The following RADIL variants were observed in gnomAD, a reference collection of about 807,000 sequenced individuals.
RADIL encodes Rap associating with DIL domain.
In RADIL, 99 loss-of-function variants were observed where a neutral mutation model predicts 97.6. That is an observed-to-expected ratio of 1.01 (90% CI 0.86 to 1.20). The LOEUF is 1.20. Among genes scored for constraint, RADIL ranks in the 50% most tolerant of loss-of-function variants. RADIL has a pLI of 0.00. For missense variants in RADIL, 1,765 were observed against 1,498.9 expected (o/e 1.18, Z -2.93); for synonymous variants, 803 against 691.8 (o/e 1.16, Z -2.52).
intron 2 of RADIL, among the ~76,000 whole-genome samples, chr7:4,846,649 G>C (rs1418777045): frequency 6.6e-6 from 1 of 150,856 alleles, no homozygotes; most frequent in African/African-American, 2.4e-5. Context: ...AGGTTCAAGC[G>C]ATTCTCCTGC....
chr7:4,860,772 C>T lies in RADIL; in HGVS notation c.535+16833G>A, dbSNP rs768870698. The T allele has an allele frequency of 2.5e-6, 4 of 1,614,080 alleles. No homozygotes were observed. In the Admixed American group the frequency reaches 5.0e-5, roughly 20 times the overall value. On this transcript the variant is annotated intron_variant, in intron 2 of 14. Coordinates refer to ENST00000399583, the MANE Select transcript of RADIL (RefSeq NM_018059.5). ...CTTAGCAAAATCTCGTGTGTGATAGCAAGCCCCTGTTTAAACTCCTCAATC... is the reference window on the plus strand; with the variant it reads ...CTTAGCAAAATCTCGTGTGTGATAGTAAGCCCCTGTTTAAACTCCTCAATC...
rs945796740 is a variant in RADIL at position 4,854,335 on chromosome 7, G to C, written c.536-17730C>G. 6.6e-5 allele frequency among the ~76,000 whole-genome samples: 10 copies of C among 152,114 alleles called. No individual in the cohort carries two copies. The highest frequency in any genetic ancestry group is 2.4e-4 in the African/African-American group (10 of 41,412). On this transcript the variant is annotated intron_variant, in intron 2 of 14. Transcript: ENST00000399583. This position sits in a 1 kb window ranked among gnomAD's most constrained non-coding sequence, Gnocchi z 5.1. ...AAACTGATGAGGGGGCATTAGGTGG[G>C]GTTTTCTGTTTGCTTTTGTTTCTGG...
intron 2 of RADIL, among the ~76,000 whole-genome samples, chr7:4,856,347 C>G (rs553955768): frequency 6.6e-6 from 1 of 151,874 alleles, no homozygotes; most frequent in Admixed American, 6.6e-5. Flanking sequence ...TGGTCTCAAG[C>G]GATCCACCCG....
chr7:4,820,928 G>C (rs1782814596), intron 6 of RADIL, among the ~76,000 whole-genome samples: 1 of 152,202 alleles, frequency 6.6e-6, no homozygotes, highest in African/African-American at 2.4e-5. Context: ...CTAAGGCATG[G>C]GGGGGCACAG....
Position 4,834,489 on chromosome 7 carries a change from A to G in RADIL, c.1416+118T>C, listed in dbSNP as rs1027336533. ...AGGGAAAGGCCGCCCTGCGCTCAGCAGCACAGCACCGTGGGGGTCAGATAG... is the reference window on the plus strand; with the variant it reads ...AGGGAAAGGCCGCCCTGCGCTCAGCGGCACAGCACCGTGGGGGTCAGATAG... On this transcript the variant is annotated intron_variant, in intron 4 of 14. Coordinates refer to ENST00000399583, the MANE Select transcript of RADIL (RefSeq NM_018059.5). This position sits in a 1 kb window ranked among gnomAD's most constrained non-coding sequence, Gnocchi z 6.0. 5 of 1,158,588 alleles carry G rather than the reference A, an allele frequency of 4.3e-6. No individual in the cohort carries two copies. The highest frequency in any genetic ancestry group is 8.8e-5 in the South Asian group (2 of 22,856). 71.8% of individuals were successfully genotyped at this position (1,158,588 alleles called of 1,614,324 possible). A position where few individuals can be genotyped will look rare whatever the true frequency, so the allele number is the denominator to read the frequency against.
intron 2 of RADIL, among the ~76,000 whole-genome samples, chr7:4,844,442 T>TA (rs1316132771): frequency 3.3e-5 from 5 of 151,800 alleles, no homozygotes; most frequent in African/African-American, 7.2e-5. Context: ...AGACTCCATC[T>TA]AAAAAAAACA....
chr7:4,805,416 G>A (rs1249894117), intron 10 of RADIL, 150 bp downstream of exon 10: 2 of 958,322 alleles, frequency 2.1e-6, no homozygotes, highest in South Asian at 3.2e-5. Flanking sequence ...GGGCGGGGGG[G>A]TCCTCTGGGT....
rs761304191 is a variant in RADIL at position 4,860,567 on chromosome 7, G to A, written c.535+17038C>T. On this transcript the variant is annotated intron_variant, in intron 2 of 14. Transcript: ENST00000399583. ...TGGAAATGACTGTGGATTCACATGT[G>A]CCAGTGTAATAAATTCATTCTTCTC... 2.5e-6 allele frequency: 4 copies of A among 1,614,142 alleles called. No homozygotes were observed. In the South Asian group the frequency reaches 3.3e-5, roughly 13 times the overall value.
chr7:4,853,513 C>T (rs776186105), intron 2 of RADIL, among the ~76,000 whole-genome samples: 3 of 152,036 alleles, frequency 2.0e-5, no homozygotes, highest in Non-Finnish European at 4.4e-5. Context: ...GAGGCCAGGG[C>T]GGGCAGATGA....
At position 4,809,244 on chromosome 7, in the gene RADIL, C is replaced by T; in HGVS notation, c.2140-3528G>A. On this transcript the variant is annotated intron_variant, in intron 9 of 14. Coordinates refer to ENST00000399583, the MANE Select transcript of RADIL (RefSeq NM_018059.5). ...CCATCTCCCGCAGGGGCGCTCGGGCCTGGCCGCCAAGCTGGGCGAGAGGCC... is the reference window on the plus strand; with the variant it reads ...CCATCTCCCGCAGGGGCGCTCGGGCTTGGCCGCCAAGCTGGGCGAGAGGCC... 3 of 985,380 alleles carry T rather than the reference C, an allele frequency of 3.0e-6. No individual in the cohort carries two copies. In the African/African-American group the frequency reaches 5.2e-5, roughly 17 times the overall value. 61.0% of individuals were successfully genotyped at this position (985,380 alleles called of 1,614,324 possible).
rs368118356 is a variant in RADIL at position 4,877,691 on chromosome 7, C to T, written c.449G>A (p.Arg150Gln). The stretch of plus-strand genomic sequence containing the variant: ...CTCAAACCTCCGGGATAAACCTTCT[C>T]GGGGTTTCCATAATTCCTGGATCAA... ...PLLIQELWKP[R>Q]EGLSRRFELR... The change falls in exon 2 of 15, where the codon CGA becomes CAA. Residue 150 changes from arginine to glutamine, a missense_variant. Arg to Gln is a conservative substitution (Grantham distance 43, BLOSUM62 1). Coordinates refer to ENST00000399583, the MANE Select transcript of RADIL (RefSeq NM_018059.5). The T allele has an allele frequency of 6.2e-6, 10 of 1,614,174 alleles. No individual in the cohort carries two copies. In the African/African-American group the frequency reaches 6.7e-5, roughly 11 times the overall value.
At chr7:4,865,888 T>C (rs1784121011) in intron 2 of RADIL, 1 of 643,728 alleles carries the variant, frequency 1.6e-6, no homozygotes. Flanking sequence ...TACCGTTATG[T>C]TCTAATTACC....
rs776936065 is a variant in RADIL at position 4,822,365 on chromosome 7, G to T, written c.1615+29C>A. Reference sequence around the variant, plus strand: ...CACTCCCCTGCCTGGGGTGCTGGCGGGGGGAATGGAGGGCAGCGCCAGCCG... The same window carrying T: ...CACTCCCCTGCCTGGGGTGCTGGCGTGGGGAATGGAGGGCAGCGCCAGCCG... On this transcript the variant is annotated intron_variant, in intron 6 of 14. Transcript: ENST00000399583. The surrounding 1 kb of genome is among the most constrained non-coding windows in gnomAD (Gnocchi z 5.3). The T allele has an allele frequency of 6.3e-7, 1 of 1,594,072 alleles. No homozygotes were observed. The highest frequency in any genetic ancestry group is 1.1e-5 in the South Asian group (1 of 88,786).
rs1046273121 is a variant in RADIL, at chr7:4,819,322, T to C, written c.1616-1971A>G. Among the ~76,000 whole-genome samples, 5 of 151,918 alleles carry C rather than the reference T, an allele frequency of 3.3e-5. No homozygotes were observed. Among genetic ancestry groups the C allele is most frequent in the African/African-American group, 1.2e-4 (5 of 41,336 alleles). On this transcript the variant is annotated intron_variant, in intron 6 of 14. Transcript: ENST00000399583. This position sits in a 1 kb window ranked among gnomAD's most constrained non-coding sequence, Gnocchi z 5.8. ...CCTGACCTCATGTGATCTGCCTGCC[T>C]CGGCCTCCCAAAGTGCGGGGAGGAC...
chr7:4,871,511 TGGCAC>T (rs958457951), intron 2 of RADIL, among the ~76,000 whole-genome samples: 7 of 152,198 alleles, frequency 4.6e-5, no homozygotes, highest in African/African-American at 1.7e-4. Flanking sequence ...AACTCAGAGC[TGGCAC>T]TCAGCGACAA....
rs1383069562 is a variant in RADIL, at chr7:4,817,485, C to T, written c.1616-134G>A. ...CCATCTGGGGTCCAGATGCGATAAA[C>T]TGGCCGAGGGACTCTGGGCCCTGGC... On this transcript the variant is annotated intron_variant, in intron 6 of 14. Transcript: ENST00000399583. This position sits in a 1 kb window ranked among gnomAD's most constrained non-coding sequence, Gnocchi z 8.3. The T allele has an allele frequency of 1.4e-6, 1 of 700,294 alleles. No individual in the cohort carries two copies. 43.4% of individuals were successfully genotyped at this position (700,294 alleles called of 1,614,324 possible).
intron 12 of RADIL, 36 bp downstream of exon 12, chr7:4,801,617 G>A (rs749848372): frequency 1.3e-6 from 2 of 1,553,482 alleles, no homozygotes; most frequent in Non-Finnish European, 1.7e-6. Context: ...GCGGGGTCTG[G>A]GGTGGGTTCC....
At chr7:4,862,674 G>C (rs1784043859) in intron 2 of RADIL, among the ~76,000 whole-genome samples, 1 of 152,152 alleles carries the variant, frequency 6.6e-6, no homozygotes, top group Non-Finnish European at 1.5e-5. Flanking sequence ...GCCGAGGCGG[G>C]CAGATCACCT....
At position 4,854,375 on chromosome 7, in the gene RADIL, G is replaced by C. The variant is rs1031893833; in HGVS notation, c.536-17770C>G. Among the ~76,000 whole-genome samples, 4 of 152,158 alleles carry C rather than the reference G, an allele frequency of 2.6e-5. No homozygotes were observed. The highest frequency in any genetic ancestry group is 5.9e-5 in the Non-Finnish European group (4 of 68,028). ...TTTGTTTCTGGGGAGGGTGGTGTTT[G>C]GTTTTTGTCATTGTTGATAAAGAGG... On this transcript the variant is annotated intron_variant, in intron 2 of 14. Coordinates refer to ENST00000399583, the MANE Select transcript of RADIL (RefSeq NM_018059.5). The surrounding 1 kb of genome is among the most constrained non-coding windows in gnomAD (Gnocchi z 5.1).
Sources: gnomAD v4.1 joint callset for allele counts (sites outside exome capture counted in the v4.1 genomes callset) on GRCh38, gnomAD v4.1.1 for gene constraint, Gnocchi (gnomAD v3.1) non-coding constraint, MANE v1.5 for transcripts, NCBI Gene and HGNC (gene_info 2026-07-23, HGNC 2026-07-21) for gene names.